The following CDK6 variants were observed in gnomAD, a reference collection of about 807,000 sequenced individuals.
The protein encoded by CDK6 is cyclin dependent kinase 6.
A neutral mutation model predicts 37.1 loss-of-function variants in CDK6; 6 were observed. That is an observed-to-expected ratio of 0.16 (90% CI 0.09 to 0.32). The LOEUF (loss-of-function observed/expected upper bound fraction) is 0.32. Among genes scored for constraint, CDK6 ranks in the 10% least tolerant of loss-of-function variants. The pLI, the probability that CDK6 is intolerant of heterozygous loss-of-function variation, is 1.00. For synonymous variants in CDK6, 160 were observed against 161.3 expected (o/e 0.99, Z 0.06); for missense variants, 224 against 418.9 (o/e 0.53, Z 4.06).
intron 4 of CDK6, among the ~76,000 whole-genome samples, chr7:92,693,048 T>G (rs1403548403): frequency 1.3e-5 from 2 of 152,196 alleles, no homozygotes; most frequent in Non-Finnish European, 2.9e-5. Flanking sequence ...TCAGTTGGTA[T>G]TTTTACCATA....
intron 4 of CDK6, among the ~76,000 whole-genome samples, chr7:92,697,890 T>C (rs1054784311): frequency 6.6e-6 from 1 of 152,218 alleles, no homozygotes; most frequent in Non-Finnish European, 1.5e-5. Context: ...AATCTAAAAG[T>C]AGCAGATGAA....
At chr7:92,724,108 C>T (rs1340401376) in intron 4 of CDK6, among the ~76,000 whole-genome samples, 1 of 152,080 alleles carries the variant, frequency 6.6e-6, no homozygotes, top group African/African-American at 2.4e-5. Context: ...AAAGCCTATT[C>T]AAGCTTCTCC....
chr7:92,665,055 G>A (rs1207925210), intron 5 of CDK6, among the ~76,000 whole-genome samples: 20 of 152,094 alleles, frequency 1.3e-4, no homozygotes, highest in Admixed American at 1.3e-3. Context: ...AAAGTGCTGG[G>A]ATTACAGGTG....
intron 2 of CDK6, among the ~76,000 whole-genome samples, chr7:92,778,033 C>G (rs1244899247): frequency 6.6e-6 from 1 of 150,990 alleles, no homozygotes; most frequent in Non-Finnish European, 1.5e-5. Context: ...CATTTCTGGG[C>G]TTTATGGACC....
At chr7:92,679,886 A>T (rs563096979) in intron 4 of CDK6, among the ~76,000 whole-genome samples, 77 of 151,650 alleles carry the variant, frequency 5.1e-4, no homozygotes, top group African/African-American at 1.8e-3. Flanking sequence ...ATGCCCGGCT[A>T]ATTTTTTGTA....
intron 2 of CDK6, among the ~76,000 whole-genome samples, chr7:92,775,431 T>C (rs1348083532): frequency 6.6e-6 from 1 of 152,228 alleles, no homozygotes; most frequent in Non-Finnish European, 1.5e-5. Flanking sequence ...TTAATCAACA[T>C]TGTAAAATTT....
At position 92,833,400 on chromosome 7, in the gene CDK6, GCCTACTCCGGGGCTCCC is replaced by G; in HGVS notation, c.-94_-78del. 1 of 1,018,796 alleles carries G rather than the reference GCCTACTCCGGGGCTCCC, an allele frequency of 9.8e-7. No homozygotes were observed. The highest frequency in any genetic ancestry group is 1.4e-6 in the Non-Finnish European group (1 of 714,220). 63.1% of individuals were successfully genotyped at this position (1,018,796 alleles called of 1,614,324 possible). ...CTCAACTAGCTGGCGGCCGCCGCTC[GCCTACTCCGGGGCTCCC>G]CGGAGATCGGTCTAGCTTTACTTGC... On this transcript the variant is annotated 5_prime_UTR_variant, in exon 2 of 8. Coordinates refer to ENST00000424848, the MANE Select transcript of CDK6 (RefSeq NM_001145306.2). The surrounding 1 kb of genome is among the most constrained non-coding windows in gnomAD (Gnocchi z 6.1).
chr7:92,640,063 C>T (rs1250691254), intron 5 of CDK6, among the ~76,000 whole-genome samples: 1 of 152,022 alleles, frequency 6.6e-6, no homozygotes, highest in African/African-American at 2.4e-5. Context: ...GATAATACAC[C>T]ACCTGGCTGC....
chr7:92,664,570 G>A (rs1239198055), intron 5 of CDK6, among the ~76,000 whole-genome samples: 1 of 152,144 alleles, frequency 6.6e-6, no homozygotes. Flanking sequence ...ATGACGACAA[G>A]CCTAGAGAGG....
intron 2 of CDK6, among the ~76,000 whole-genome samples, chr7:92,805,742 AGT>A (rs1800709020): frequency 6.6e-6 from 1 of 152,222 alleles, no homozygotes; most frequent in Non-Finnish European, 1.5e-5. Context: ...GGAGACCAGA[AGT>A]GTAATGATTC....
intron 5 of CDK6, among the ~76,000 whole-genome samples, chr7:92,657,441 C>T (rs1382508263): frequency 6.6e-6 from 1 of 152,156 alleles, no homozygotes; most frequent in Non-Finnish European, 1.5e-5. Flanking sequence ...AATATCATAA[C>T]TCAATATACA....
At chr7:92,678,480 G>A (rs186063137) in intron 4 of CDK6, among the ~76,000 whole-genome samples, 1 of 152,298 alleles carries the variant, frequency 6.6e-6, no homozygotes, top group Non-Finnish European at 1.5e-5. Flanking sequence ...GGATGTATCT[G>A]TTTAAACTGC....
intron 4 of CDK6, among the ~76,000 whole-genome samples, chr7:92,712,971 C>T (rs1019323207): frequency 6.6e-6 from 1 of 152,102 alleles, no homozygotes; most frequent in African/African-American, 2.4e-5. Context: ...TCAAGCGATT[C>T]TCCTGCCCCA....
chr7:92,795,946 G>C (rs1451194297), intron 2 of CDK6, among the ~76,000 whole-genome samples: 1 of 151,950 alleles, frequency 6.6e-6, no homozygotes, highest in Non-Finnish European at 1.5e-5. Context: ...CCACCTTCTT[G>C]TCCTACATTT....
At chr7:92,805,830 A>G (rs572471549) in intron 2 of CDK6, among the ~76,000 whole-genome samples, 2 of 152,238 alleles carry the variant, frequency 1.3e-5, no homozygotes, top group African/African-American at 4.8e-5. Flanking sequence ...ATTATTTCCA[A>G]TCTGAACCCT....
At chr7:92,716,488 A>G (rs1798232071) in intron 4 of CDK6, among the ~76,000 whole-genome samples, 1 of 152,210 alleles carries the variant, frequency 6.6e-6, no homozygotes, top group African/African-American at 2.4e-5. Flanking sequence ...CACTGTAGGA[A>G]ATGCTAAAAT....
At chr7:92,661,855 G>C (rs1202875852) in intron 5 of CDK6, among the ~76,000 whole-genome samples, 1 of 152,188 alleles carries the variant, frequency 6.6e-6, no homozygotes, top group Non-Finnish European at 1.5e-5. Context: ...CAACTGTACA[G>C]AGCGTGGCTC....
At chr7:92,672,869 G>T (rs151239965) in intron 4 of CDK6, among the ~76,000 whole-genome samples, 3 of 152,274 alleles carry the variant, frequency 2.0e-5, no homozygotes, top group African/African-American at 7.2e-5. Flanking sequence ...CTCAATAAAT[G>T]GCGGCTGCCA....
Position 92,615,184 on chromosome 7 carries a change from G to A in CDK6, c.937C>T (p.His313Tyr), listed in dbSNP as rs2116476828. The change falls in exon 8 of 8, where the codon CAC becomes TAC. Residue 313 changes from histidine to tyrosine, a missense_variant. Coordinates refer to ENST00000424848, the MANE Select transcript of CDK6 (RefSeq NM_001145306.2). ...GAGGTGTTCTGGCTGGGCGGCAGGT[G>A]GGAATCCAGGTTTTCTTTGCACCTT... ...LERCKENLDS[H>Y]LPPSQNTSEL... The A allele has an allele frequency of 6.2e-7, 1 of 1,614,058 alleles. No homozygotes were observed.
Sources: gnomAD v4.1 joint callset for allele counts (sites outside exome capture counted in the v4.1 genomes callset) on GRCh38, gnomAD v4.1.1 for gene constraint, Gnocchi (gnomAD v3.1) non-coding constraint, MANE v1.5 for transcripts, NCBI Gene and HGNC (gene_info 2026-07-23, HGNC 2026-07-21) for gene names.